The following PSTPIP2 variants were observed in gnomAD, a reference collection of about 807,000 sequenced individuals.
The protein encoded by PSTPIP2 is proline-serine-threonine phosphatase-interacting protein 2.
In PSTPIP2, 33 loss-of-function variants were observed where a neutral mutation model predicts 63.3. That is an observed-to-expected ratio of 0.52 (90% CI 0.40 to 0.70). PSTPIP2 has a LOEUF of 0.70. Ranked by LOEUF, PSTPIP2 falls within the 30% of genes least tolerant of loss-of-function variation. The probability of loss-of-function intolerance (pLI) is 0.00; values close to 1 mark genes in which losing one functional copy is unlikely to be tolerated. For synonymous variants in PSTPIP2, 125 were observed against 132.7 expected (o/e 0.94, Z 0.40); for missense variants, 312 against 400.7 (o/e 0.78, Z 1.89).
At chr18:46,053,208 T>C (rs1908641545) in intron 1 of PSTPIP2, among the ~76,000 whole-genome samples, 2 of 152,282 alleles carry the variant, frequency 1.3e-5, no homozygotes, top group African/African-American at 4.8e-5. Context: ...AACTGACATT[T>C]TGTGTTGTCC....
chr18:46,022,943 G>C (rs2144094466), intron 3 of PSTPIP2, among the ~76,000 whole-genome samples: 1 of 152,274 alleles, frequency 6.6e-6, no homozygotes, highest in African/African-American at 2.4e-5. Flanking sequence ...CCATAAAAAA[G>C]AATGAGATCA....
chr18:46,027,562 C>A (rs559119711), intron 2 of PSTPIP2, among the ~76,000 whole-genome samples: 26 of 151,924 alleles, frequency 1.7e-4, no homozygotes, highest in African/African-American at 5.8e-4. Flanking sequence ...TGGTGGCACA[C>A]ATCTGTAGTC....
chr18:46,008,913 C>A (rs1211855741), intron 5 of PSTPIP2, among the ~76,000 whole-genome samples: 2 of 152,260 alleles, frequency 1.3e-5, no homozygotes, highest in Admixed American at 6.5e-5. Context: ...CTCCTCTATA[C>A]AGCCTTTCAC....
At position 45,995,770 on chromosome 18, in the gene PSTPIP2, T is replaced by G. The variant is rs961566731; in HGVS notation, c.642+1979A>C. On this transcript the variant is annotated intron_variant, in intron 9 of 14. Transcript: ENST00000409746. ...GCGTGGCTGTGAAGAAGGGCGGGGGTAGTAGGGGTCGTAGATAGAAAGTAA... is the reference window on the plus strand; with the variant it reads ...GCGTGGCTGTGAAGAAGGGCGGGGGGAGTAGGGGTCGTAGATAGAAAGTAA... 4.0e-5 allele frequency among the ~76,000 whole-genome samples: 6 copies of G among 151,460 alleles called. 1 individual carries two copies. The South Asian group carries it at 1.3e-3, about 32-fold the overall frequency.
At chr18:45,988,858 G>A in intron 13 of PSTPIP2, 99 bp from the exon 14 acceptor site, 1 of 991,540 alleles carries the variant, frequency 1.0e-6, no homozygotes, top group Non-Finnish European at 1.6e-6. Context: ...AGATTCTGGT[G>A]TCTATCCTTT....
chr18:46,040,686 G>A (rs903376899), intron 1 of PSTPIP2, among the ~76,000 whole-genome samples: 2 of 152,188 alleles, frequency 1.3e-5, no homozygotes, highest in African/African-American at 4.8e-5. Flanking sequence ...CCCAAGTTCA[G>A]TAGGGTAACA....
At chr18:46,064,442 C>A (rs1909106934) in intron 1 of PSTPIP2, among the ~76,000 whole-genome samples, 1 of 148,876 alleles carries the variant, frequency 6.7e-6, no homozygotes. Flanking sequence ...AGGCACCCAC[C>A]ACAACACCTG....
intron 12 of PSTPIP2, 138 bp downstream of exon 12, chr18:45,991,764 C>T (rs2051535760): frequency 6.4e-6 from 5 of 784,040 alleles, no homozygotes; most frequent in Admixed American, 3.0e-5. Flanking sequence ...CCTAAAAATA[C>T]TATTTCCAAA....
intron 10 of PSTPIP2, among the ~76,000 whole-genome samples, chr18:45,993,370 C>T (rs1258496079): frequency 1.3e-5 from 2 of 152,188 alleles, no homozygotes; most frequent in African/African-American, 4.8e-5. Flanking sequence ...TCTGAGATTA[C>T]AGGAGTGAAC....
intron 1 of PSTPIP2, among the ~76,000 whole-genome samples, chr18:46,059,118 C>A (rs982107120): frequency 6.6e-6 from 1 of 151,826 alleles, no homozygotes; most frequent in Non-Finnish European, 1.5e-5. Flanking sequence ...CTCGCTGCAA[C>A]CTCCGCCTCC....
chr18:45,990,067 C>A (rs1030704858), intron 13 of PSTPIP2: 1 of 152,188 alleles, frequency 6.6e-6, no homozygotes, highest in Admixed American at 6.5e-5. Context: ...TTAAGTGACA[C>A]GTTTCTTGAC....
chr18:46,047,767 A>G (rs940387470), intron 1 of PSTPIP2, among the ~76,000 whole-genome samples: 2 of 152,234 alleles, frequency 1.3e-5, no homozygotes, highest in Non-Finnish European at 2.9e-5. Flanking sequence ...AAAAATTTTA[A>G]TCACCACTTG....
chr18:46,050,085 A>G (rs1030892102), intron 1 of PSTPIP2, among the ~76,000 whole-genome samples: 2 of 152,216 alleles, frequency 1.3e-5, no homozygotes, highest in Non-Finnish European at 2.9e-5. Flanking sequence ...TTGGCAAGGA[A>G]CTATAGGGAA....
chr18:46,035,561 G>A (rs1258956870), intron 2 of PSTPIP2, among the ~76,000 whole-genome samples: 9 of 152,224 alleles, frequency 5.9e-5, no homozygotes, highest in Middle Eastern at 6.8e-3. Context: ...AAGTAAAGAC[G>A]TACAGGCAGA....
At chr18:46,059,676 A>G (rs1035778596) in intron 1 of PSTPIP2, among the ~76,000 whole-genome samples, 2 of 152,234 alleles carry the variant, frequency 1.3e-5, no homozygotes, top group Non-Finnish European at 2.9e-5. Context: ...GATATTTGCT[A>G]TGTAATCCTC....
chr18:46,030,986 A>G (rs925834741), intron 2 of PSTPIP2, among the ~76,000 whole-genome samples: 1 of 152,252 alleles, frequency 6.6e-6, no homozygotes, highest in Non-Finnish European at 1.5e-5. Flanking sequence ...GATGTGTGTT[A>G]ACATTGATCC....
chr18:45,988,675 A>G, intron 14 of PSTPIP2, 27 bp downstream of exon 14: 1 of 1,517,950 alleles, frequency 6.6e-7, no homozygotes, highest in Non-Finnish European at 9.2e-7. Flanking sequence ...CACATGACTC[A>G]ATTATGTGAA....
At position 46,037,113 on chromosome 18, in the gene PSTPIP2, C is replaced by A. The variant is rs1001106618; in HGVS notation, c.134+2834G>T. ...GTTTGCCTCTTGTCTCTAAGAACCA[C>A]AAATATCCCAGAGTTGTACATGTAA... On this transcript the variant is annotated intron_variant, in intron 2 of 14. Transcript: ENST00000409746. Among the ~76,000 whole-genome samples the A allele has an allele frequency of 6.6e-5, 10 of 152,144 alleles. 1 individual carries two copies.
intron 1 of PSTPIP2, among the ~76,000 whole-genome samples, chr18:46,049,844 C>G (rs1908527304): frequency 6.6e-6 from 1 of 152,106 alleles, no homozygotes; most frequent in Admixed American, 6.5e-5. Flanking sequence ...CACGCCACGG[C>G]ACTCCAGCCT....
Sources: gnomAD v4.1 joint callset for allele counts (sites outside exome capture counted in the v4.1 genomes callset) on GRCh38, gnomAD v4.1.1 for gene constraint, MANE v1.5 for transcripts, NCBI Gene and HGNC (gene_info 2026-07-23, HGNC 2026-07-21) for gene names.